The following EYS variants were observed in gnomAD, a reference collection of about 807,000 sequenced individuals.
EYS encodes the protein protein eyes shut homolog.
A neutral mutation model predicts 282.1 loss-of-function variants in EYS; 250 were observed. That is an observed-to-expected ratio of 0.89 (90% CI 0.80 to 0.98). The LOEUF (loss-of-function observed/expected upper bound fraction) is 0.98. EYS is among the 50% of genes least tolerant of loss of function. The pLI is 0.00. For synonymous variants in EYS, 1,355 were observed against 1,282.9 expected (o/e 1.06, Z -1.20); for missense variants, 4,016 against 3,709.0 (o/e 1.08, Z -2.15).
At chr6:65,158,853 T>A (rs1764787141) in intron 12 of EYS, among the ~76,000 whole-genome samples, 1 of 150,968 alleles carries the variant, frequency 6.6e-6, no homozygotes, top group African/African-American at 2.4e-5. Flanking sequence ...CCTTTATGAA[T>A]TTGCACTGCG....
chr6:64,814,727 CTG>C (rs773687246), intron 21 of EYS, among the ~76,000 whole-genome samples: 9 of 151,938 alleles, frequency 5.9e-5, no homozygotes, highest in Non-Finnish European at 1.2e-4. Context: ...ATTAGTAAAA[CTG>C]TTTATTTTCA....
chr6:64,697,994 C>A (rs1770644514), intron 22 of EYS, among the ~76,000 whole-genome samples: 1 of 151,930 alleles, frequency 6.6e-6, no homozygotes, highest in African/African-American at 2.4e-5. Context: ...TAAATAACTT[C>A]TTGAAATACA....
At chr6:64,348,609 G>T (rs1337299992) in intron 29 of EYS, among the ~76,000 whole-genome samples, 2 of 151,470 alleles carry the variant, frequency 1.3e-5, no homozygotes, top group Non-Finnish European at 3.0e-5. Flanking sequence ...TAACAAAACT[G>T]ACAAAAGTAT....
intron 14 of EYS, among the ~76,000 whole-genome samples, chr6:64,949,716 A>G (rs1227801314): frequency 6.6e-6 from 1 of 151,922 alleles, no homozygotes; most frequent in African/African-American, 2.4e-5. Flanking sequence ...CAGGGCATAT[A>G]CACCAGGAGA....
chr6:64,537,355 G>C (rs941890936), intron 26 of EYS, among the ~76,000 whole-genome samples: 13 of 150,792 alleles, frequency 8.6e-5, no homozygotes, highest in Non-Finnish European at 1.5e-4. Flanking sequence ...TTTTATGGCT[G>C]CATAGTATTC....
intron 12 of EYS, among the ~76,000 whole-genome samples, chr6:65,177,616 C>T (rs1765258581): frequency 6.6e-6 from 1 of 151,218 alleles, no homozygotes; most frequent in Non-Finnish European, 1.5e-5. Flanking sequence ...GTACATATAC[C>T]CTCACATATA....
intron 19 of EYS, among the ~76,000 whole-genome samples, chr6:64,880,032 A>G (rs555722997): frequency 1.1e-4 from 16 of 152,128 alleles, no homozygotes; most frequent in African/African-American, 3.9e-4. Flanking sequence ...TACCTTTTCC[A>G]GAGCTGTCGC....
At chr6:64,300,597 A>T (rs1003764265) in intron 30 of EYS, among the ~76,000 whole-genome samples, 1 of 152,208 alleles carries the variant, frequency 6.6e-6, no homozygotes, top group African/African-American at 2.4e-5. Flanking sequence ...AAAGCCAGCC[A>T]TATGGAACAA....
chr6:64,151,363 A>ATTTATATAT (rs1491135650), intron 31 of EYS, among the ~76,000 whole-genome samples: 1 of 62,854 alleles, frequency 1.6e-5, no homozygotes, highest in African/African-American at 7.1e-5. Flanking sequence ...ATATATATAT[A>ATTTATATAT]ATTTTTTTTT....
chr6:65,211,392 A>G (rs983901626), intron 12 of EYS, among the ~76,000 whole-genome samples: 1 of 152,076 alleles, frequency 6.6e-6, no homozygotes, highest in Non-Finnish European at 1.5e-5. Flanking sequence ...CTAGCTTTCT[A>G]TCTGAGACAT....
At chr6:64,395,639 G>T (rs1461564907) in intron 28 of EYS, among the ~76,000 whole-genome samples, 1 of 130,216 alleles carries the variant, frequency 7.7e-6, no homozygotes. Flanking sequence ...TTGTCGGGTT[G>T]GGGGGAGGGG....
chr6:64,215,731 G>GA (rs904443857), intron 31 of EYS, among the ~76,000 whole-genome samples: 2 of 151,984 alleles, frequency 1.3e-5, no homozygotes, highest in African/African-American at 2.4e-5. Flanking sequence ...GCCAGGGAAA[G>GA]AAAAAATATA....
intron 31 of EYS, among the ~76,000 whole-genome samples, chr6:64,222,337 A>G (rs961475360): frequency 6.6e-6 from 1 of 152,114 alleles, no homozygotes; most frequent in African/African-American, 2.4e-5. Context: ...CATGTTGACA[A>G]CAATGTCTGA....
intron 2 of EYS, among the ~76,000 whole-genome samples, chr6:65,623,833 C>G (rs728881): frequency 0.36 from 54,359 of 152,070 alleles, 12,119 homozygotes; most frequent in Non-Finnish European, 0.49. Context: ...AGACAGAAGA[C>G]AATTGGTATT....
At chr6:64,187,748 T>C (rs1181287300) in intron 31 of EYS, among the ~76,000 whole-genome samples, 1 of 152,120 alleles carries the variant, frequency 6.6e-6, no homozygotes, top group Non-Finnish European at 1.5e-5. Flanking sequence ...GAACTGCATA[T>C]GTGAAATAAC....
chr6:64,344,652 C>A (rs540546892), intron 29 of EYS, among the ~76,000 whole-genome samples: 1 of 152,036 alleles, frequency 6.6e-6, no homozygotes, highest in East Asian at 1.9e-4. Context: ...ACGGGGATGC[C>A]CTCTCTCACC....
chr6:64,612,284 C>G (rs906925778), intron 24 of EYS, among the ~76,000 whole-genome samples: 1 of 152,006 alleles, frequency 6.6e-6, no homozygotes, highest in Non-Finnish European at 1.5e-5. Flanking sequence ...ACACTTTCAT[C>G]GACTCTATCA....
At chr6:64,582,206 A>T (rs74629412) in intron 26 of EYS, among the ~76,000 whole-genome samples, 1 of 152,172 alleles carries the variant, frequency 6.6e-6, no homozygotes, top group Non-Finnish European at 1.5e-5. Flanking sequence ...ATGGATTGGT[A>T]CCTGTCTGTG....
At chr6:64,967,162 T>C (rs1770122546) in intron 14 of EYS, among the ~76,000 whole-genome samples, 1 of 152,148 alleles carries the variant, frequency 6.6e-6, no homozygotes, top group African/African-American at 2.4e-5. Flanking sequence ...TCTCTAACCA[T>C]ACTCAGTCCT....
Sources: gnomAD v4.1 joint callset for allele counts (sites outside exome capture counted in the v4.1 genomes callset) on GRCh38, gnomAD v4.1.1 for gene constraint, MANE v1.5 for transcripts, NCBI Gene and HGNC (gene_info 2026-07-23, HGNC 2026-07-21) for gene names.